Variants in SHROOM2 observed in about 807,000 individuals in gnomAD.
SHROOM2 encodes the protein shroom family member 2.
Under a neutral mutation model 75.9 loss-of-function variants are expected in SHROOM2, and 33 were observed. The observed-to-expected ratio is 0.43, with a 90% CI of 0.33 to 0.58. The LOEUF (loss-of-function observed/expected upper bound fraction) is 0.58. Among genes scored for constraint, SHROOM2 ranks in the 20% least tolerant of loss-of-function variants. The probability of loss-of-function intolerance (pLI) is 0.04; values close to 1 mark genes in which losing one functional copy is unlikely to be tolerated. For missense variants in SHROOM2, 1,434 were observed against 1,461.2 expected (o/e 0.98, Z 0.30); for synonymous variants, 655 against 663.6 (o/e 0.99, Z 0.20).
chrX:9,807,360 T>C (rs1275080264), intron 1 of SHROOM2, among the ~76,000 whole-genome samples: 1 of 112,233 alleles, frequency 8.9e-6, no homozygotes, highest in East Asian at 2.8e-4. Flanking sequence ...GGGGCAAATG[T>C]CAGAGTGTCC....
At chrX:9,922,988 G>A (rs2084560790) in intron 5 of SHROOM2, among the ~76,000 whole-genome samples, 1 of 111,500 alleles carries the variant, frequency 9.0e-6, no homozygotes, top group Admixed American at 9.6e-5. Context: ...TGGTCTAGAA[G>A]GTAAGACAAA....
chrX:9,941,659 G>T (rs1390809514), intron 8 of SHROOM2, among the ~76,000 whole-genome samples: 3 of 111,528 alleles, frequency 2.7e-5, no homozygotes, highest in Non-Finnish European at 5.6e-5. Context: ...CGTAATTGCT[G>T]AAGAATAATG....
chrX:9,850,432 C>T (rs1160705297), intron 1 of SHROOM2, among the ~76,000 whole-genome samples: 1 of 111,914 alleles, frequency 8.9e-6, no homozygotes, highest in African/African-American at 3.3e-5. Flanking sequence ...GCGGCCTGCT[C>T]CCTGGTTGCT....
chrX:9,833,633 TGTGTG>T (rs2083927849), intron 1 of SHROOM2, among the ~76,000 whole-genome samples: 1 of 108,997 alleles, frequency 9.2e-6, no homozygotes, highest in Non-Finnish European at 1.9e-5. Context: ...TGTGTGTGTG[TGTGTG>T]TGTGTGTGCA....
At chrX:9,891,868 GGTGTGTGTGTGTGTGT>G (rs113988652) in intron 3 of SHROOM2, among the ~76,000 whole-genome samples, 3 of 103,780 alleles carry the variant, frequency 2.9e-5, no homozygotes, top group South Asian at 8.8e-4. Context: ...GAGCATGTTT[GGTGTGTGTGTGTGTGT>G]GTGTGTGTGC....
intron 6 of SHROOM2, among the ~76,000 whole-genome samples, chrX:9,935,621 A>G (rs776981167): frequency 2.9e-3 from 322 of 111,475 alleles, no homozygotes; most frequent in Admixed American, 4.8e-3. Context: ...ACCCTACTGG[A>G]GAGAGGGAGG....
intron 5 of SHROOM2, among the ~76,000 whole-genome samples, chrX:9,911,608 G>A (rs914626925): frequency 1.8e-5 from 2 of 110,748 alleles, no homozygotes; most frequent in Non-Finnish European, 3.8e-5. Flanking sequence ...CTGGGGCTGC[G>A]TTAGGAGGGA....
intron 1 of SHROOM2, among the ~76,000 whole-genome samples, chrX:9,845,829 C>T (rs2084003512): frequency 9.2e-6 from 1 of 108,668 alleles, no homozygotes; most frequent in African/African-American, 3.4e-5. Flanking sequence ...CTATGTAACT[C>T]GCTACCCAGA....
chrX:9,797,573 G>T (rs2083701716), intron 1 of SHROOM2, among the ~76,000 whole-genome samples: 1 of 112,642 alleles, frequency 8.9e-6, no homozygotes, highest in South Asian at 3.6e-4. Context: ...CAATTAGCAT[G>T]AAGCCTATTC....
chrX:9,790,379 T>C (rs1458847030), intron 1 of SHROOM2, among the ~76,000 whole-genome samples: 1 of 112,172 alleles, frequency 8.9e-6, no homozygotes, highest in African/African-American at 3.2e-5. Flanking sequence ...AACCAAGCTC[T>C]TTGTGAAATA....
At chrX:9,929,067 G>A (rs1327213020) in intron 5 of SHROOM2, among the ~76,000 whole-genome samples, 2 of 112,572 alleles carry the variant, frequency 1.8e-5, no homozygotes, top group Admixed American at 9.4e-5. Flanking sequence ...GCATCTGTGC[G>A]CAAGCACAAC....
intron 1 of SHROOM2, among the ~76,000 whole-genome samples, chrX:9,791,989 TAGA>T (rs2083652662): frequency 0.023 from 2 of 87 alleles, no homozygotes; most frequent in Non-Finnish European, 0.042. Flanking sequence ...TAGAATAGAA[TAGA>T]ATAGAATAGA....
intron 1 of SHROOM2, among the ~76,000 whole-genome samples, chrX:9,820,713 C>T (rs1369838364): frequency 8.9e-6 from 1 of 111,870 alleles, no homozygotes; most frequent in East Asian, 2.8e-4. Flanking sequence ...AATTCCACGT[C>T]CTCCATTCTC....
chrX:9,849,251 C>T (rs1362113862), intron 1 of SHROOM2, among the ~76,000 whole-genome samples: 2 of 111,782 alleles, frequency 1.8e-5, no homozygotes, highest in Non-Finnish European at 3.8e-5. Flanking sequence ...AGACAGCAGG[C>T]GCCGGCTGGC....
chrX:9,806,268 C>G (rs1024778448), intron 1 of SHROOM2, among the ~76,000 whole-genome samples: 1 of 110,850 alleles, frequency 9.0e-6, no homozygotes, highest in East Asian at 2.8e-4. Flanking sequence ...TTCACTCGCA[C>G]AGCAGGCACA....
intron 7 of SHROOM2, among the ~76,000 whole-genome samples, chrX:9,938,832 G>A (rs140820082): frequency 0.012 from 1,305 of 111,353 alleles, 11 homozygotes; most frequent in African/African-American, 0.039. Context: ...GAGGAAGGGA[G>A]AAGGGTTGGT....
At chrX:9,807,914 C>T (rs907362166) in intron 1 of SHROOM2, among the ~76,000 whole-genome samples, 7 of 111,125 alleles carry the variant, frequency 6.3e-5, no homozygotes, top group South Asian at 3.8e-4. Context: ...CAGAGAGGGG[C>T]GTGGTTCAGC....
In SHROOM2 at chrX:9,894,438, G is replaced by A. The variant is rs779493524; in HGVS notation, c.530G>A (p.Ser177Asn). Residue 177 changes from serine to asparagine, a missense_variant, in exon 4 of 10, where the codon AGC (serine) becomes AAC (asparagine). Ser to Asn is a conservative substitution (Grantham distance 46). Around this residue, in one of 3 missense-constraint regions of SHROOM2, gnomAD observed 1,340 missense variants for 1,338.3 expected, o/e 1.00. Coordinates refer to ENST00000380913, the MANE Select transcript of SHROOM2 (RefSeq NM_001649.4). ...RTLDHFSSLG[S>N]VDSLDHPSSR... is the part of the protein sequence containing the mutation. ...TTAGATCACTTCAGCTCCTTGGGGA[G>A]CGTTGACAGCCTGGACCACCCCTCC... The A allele has an allele frequency of 7.4e-6, 9 of 1,210,467 alleles. No individual in the cohort carries two copies. The South Asian group carries it at 1.1e-4, about 14-fold the overall frequency.
intron 1 of SHROOM2, among the ~76,000 whole-genome samples, chrX:9,833,608 CTGTGTG>C (rs144161839): frequency 0.43 from 40,433 of 94,859 alleles, 8,014 homozygotes; most frequent in Non-Finnish European, 0.58. Flanking sequence ...CAAGTAGACT[CTGTGTG>C]TGTGTGTGTG....
Sources: gnomAD v4.1 joint callset for allele counts (sites outside exome capture counted in the v4.1 genomes callset) on GRCh38, gnomAD v4.1.1 for gene constraint, gnomAD v4.1.1 regional missense constraint, MANE v1.5 for transcripts, NCBI Gene and HGNC (gene_info 2026-07-23, HGNC 2026-07-21) for gene names.